Variants in PCDH15 observed in about 807,000 individuals in gnomAD.
The protein encoded by PCDH15 is protocadherin related 15, also known as protocadherin-15.
In PCDH15, 129 loss-of-function variants were observed where a neutral mutation model predicts 178.5. The observed-to-expected ratio is 0.72, with a 90% CI of 0.63 to 0.84. The LOEUF is 0.84. Among genes scored for constraint, PCDH15 ranks in the 40% least tolerant of loss-of-function variants. The probability of loss-of-function intolerance (pLI) is 0.00; values close to 1 mark genes in which losing one functional copy is unlikely to be tolerated. For synonymous variants in PCDH15, 800 were observed against 732.0 expected, an observed-to-expected ratio of 1.09 and a Z score of -1.50; for missense variants, 2,230 against 2,099.9, an observed-to-expected ratio of 1.06 and a Z score of -1.21.
chr10:54,659,249 C>T (rs1297158437), intron 2 of PCDH15, among the ~76,000 whole-genome samples: 1 of 152,084 alleles, frequency 6.6e-6, no homozygotes, highest in Non-Finnish European at 1.5e-5. Flanking sequence ...AAAGTAACTC[C>T]AGACTTAAAT....
At chr10:55,566,445 C>T (rs1169210415) in intron 2 of PCDH15, among the ~76,000 whole-genome samples, 6 of 150,568 alleles carry the variant, frequency 4.0e-5, no homozygotes, top group Non-Finnish European at 1.5e-5. Context: ...CAATATAGTA[C>T]TAAAAGATCT....
intron 3 of PCDH15, among the ~76,000 whole-genome samples, chr10:54,886,731 G>A (rs535070562): frequency 1.8e-4 from 28 of 152,310 alleles, no homozygotes; most frequent in African/African-American, 6.5e-4. Flanking sequence ...CAGCCTAGGC[G>A]ACAGAGCCAG....
intron 1 of PCDH15, among the ~76,000 whole-genome samples, chr10:55,284,699 T>C (rs1472332458): frequency 2.0e-5 from 3 of 152,040 alleles, no homozygotes; most frequent in Non-Finnish European, 4.4e-5. Flanking sequence ...TAACCTGTCT[T>C]TTGCCTTTGG....
chr10:55,040,613 T>A (rs1840843547), intron 2 of PCDH15, among the ~76,000 whole-genome samples: 1 of 152,196 alleles, frequency 6.6e-6, no homozygotes, highest in South Asian at 2.1e-4. Context: ...CTGACCATAC[T>A]GTACATATTC....
At chr10:54,045,795 C>T (rs2093643159) in intron 18 of PCDH15, among the ~76,000 whole-genome samples, 1 of 151,892 alleles carries the variant, frequency 6.6e-6, no homozygotes, top group South Asian at 2.1e-4. Flanking sequence ...ATTTTTTAAG[C>T]AAGGTCAAAA....
intron 2 of PCDH15, among the ~76,000 whole-genome samples, chr10:55,062,363 A>G (rs898673278): frequency 1.1e-4 from 17 of 152,206 alleles, no homozygotes; most frequent in African/African-American, 4.1e-4. Flanking sequence ...CCCAAACTGT[A>G]AGAAATAATT....
At chr10:54,063,198 C>A (rs755995850) in intron 18 of PCDH15, among the ~76,000 whole-genome samples, 1 of 152,102 alleles carries the variant, frequency 6.6e-6, no homozygotes, top group Non-Finnish European at 1.5e-5. Context: ...TACCTCAGAC[C>A]CTTTAGTGGC....
intron 1 of PCDH15, among the ~76,000 whole-genome samples, chr10:55,307,724 C>T (rs1843469120): frequency 1.3e-5 from 2 of 151,592 alleles, no homozygotes; most frequent in South Asian, 4.2e-4. Flanking sequence ...TCCAACTTGC[C>T]CCCCAAACAA....
At chr10:55,180,705 A>G (rs961005261) in intron 1 of PCDH15, among the ~76,000 whole-genome samples, 8 of 152,170 alleles carry the variant, frequency 5.3e-5, no homozygotes, top group African/African-American at 1.9e-4. Context: ...ATATTTATAC[A>G]TTTGCCTTCA....
chr10:54,894,784 G>A (rs946801877), intron 3 of PCDH15, among the ~76,000 whole-genome samples: 5 of 152,138 alleles, frequency 3.3e-5, no homozygotes, highest in Non-Finnish European at 7.4e-5. Flanking sequence ...GGCACCTTCT[G>A]CTTCCTTAAT....
intron 2 of PCDH15, among the ~76,000 whole-genome samples, chr10:55,466,158 C>A (rs930895708): frequency 4.6e-5 from 7 of 152,000 alleles, no homozygotes; most frequent in Non-Finnish European, 7.4e-5. Flanking sequence ...TTTCCTAATT[C>A]GGTGAACTAC....
At chr10:54,084,088 T>C (rs890193752) in intron 16 of PCDH15, among the ~76,000 whole-genome samples, 1 of 151,360 alleles carries the variant, frequency 6.6e-6, no homozygotes, top group African/African-American at 2.4e-5. Context: ...GTGCACTTTT[T>C]TTTTTTTATT....
chr10:55,032,370 T>C lies in PCDH15; in HGVS notation c.-80+134206A>G, dbSNP rs576747447. On this transcript the variant is annotated intron_variant, in intron 2 of 5. Coordinates refer to the PCDH15 transcript ENST00000458638. Reference sequence around the variant, plus strand: ...CTTAGTAGAAAATTGCTGAGGGAGATACCAGGGATTTGTTAACTGATTATG... The same window carrying C: ...CTTAGTAGAAAATTGCTGAGGGAGACACCAGGGATTTGTTAACTGATTATG... Among the ~76,000 whole-genome samples, 4 of 152,280 alleles carry C rather than the reference T, an allele frequency of 2.6e-5. No homozygotes were observed. In the South Asian group the frequency reaches 6.2e-4, roughly 24 times the overall value.
At chr10:55,144,268 GAGAA>G (rs747903266) in intron 2 of PCDH15, among the ~76,000 whole-genome samples, 5 of 89,578 alleles carry the variant, frequency 5.6e-5, no homozygotes, top group Admixed American at 9.7e-5. Flanking sequence ...TATTACGGCT[GAGAA>G]AAAAAAAAAT....
chr10:54,031,828 AAG>A (rs1343445858), intron 18 of PCDH15, among the ~76,000 whole-genome samples: 1 of 152,108 alleles, frequency 6.6e-6, no homozygotes, highest in African/African-American at 2.4e-5. Context: ...ACAGCAAAGA[AAG>A]AAAGTAATGT....
At chr10:54,154,186 A>AG (rs954615108) in intron 13 of PCDH15, among the ~76,000 whole-genome samples, 14 of 152,182 alleles carry the variant, frequency 9.2e-5, no homozygotes, top group African/African-American at 2.9e-4. Flanking sequence ...TATAAATTAA[A>AG]GGGGAAAAAG....
intron 1 of PCDH15, among the ~76,000 whole-genome samples, chr10:55,237,226 C>T (rs1420572827): frequency 6.6e-6 from 1 of 151,936 alleles, no homozygotes; most frequent in East Asian, 1.9e-4. Flanking sequence ...ATTGGTAGAG[C>T]TTTTTATATA....
intron 3 of PCDH15, among the ~76,000 whole-genome samples, chr10:54,822,357 A>C (rs898098981): frequency 2.6e-5 from 4 of 152,000 alleles, no homozygotes; most frequent in Non-Finnish European, 4.4e-5. Flanking sequence ...CAATTTTTTT[A>C]GCTCCCACAT....
intron 3 of PCDH15, among the ~76,000 whole-genome samples, chr10:54,870,550 C>G (rs1490880035): frequency 1.3e-5 from 2 of 152,100 alleles, no homozygotes; most frequent in African/African-American, 2.4e-5. Context: ...CTTCAGGAGG[C>G]CGAGGTGGGC....
Sources: allele counts gnomAD v4.1 joint callset (sites outside exome capture counted in the v4.1 genomes callset), GRCh38; gene constraint gnomAD v4.1.1; transcripts MANE v1.5; gene names NCBI Gene and HGNC (gene_info 2026-07-23, HGNC 2026-07-21).